The following CDKAL1 variants were observed in gnomAD, a reference collection of about 807,000 sequenced individuals.
CDKAL1 encodes the protein CDKAL1 threonylcarbamoyladenosine tRNA methylthiotransferase, also known as threonylcarbamoyladenosine tRNA methylthiotransferase.
A neutral mutation model predicts 68.2 loss-of-function variants in CDKAL1; 32 were observed. That is an observed-to-expected ratio of 0.47 (90% CI 0.35 to 0.63). CDKAL1 has a LOEUF of 0.63. Ranked by LOEUF, CDKAL1 falls within the 30% of genes least tolerant of loss-of-function variation. The pLI, the probability that CDKAL1 is intolerant of heterozygous loss-of-function variation, is 0.00. For missense variants in CDKAL1, 606 were observed against 696.7 expected (o/e 0.87, Z 1.47); for synonymous variants, 234 against 244.3 (o/e 0.96, Z 0.39).
At chr6:20,639,845 A>AT (rs1438747234) in intron 4 of CDKAL1, among the ~76,000 whole-genome samples, 1 of 151,988 alleles carries the variant, frequency 6.6e-6, no homozygotes, top group Admixed American at 6.6e-5. Flanking sequence ...TAATTTTTGT[A>AT]TTTTTAGTAG....
intron 9 of CDKAL1, among the ~76,000 whole-genome samples, chr6:20,919,750 A>T (rs756151215): frequency 3.9e-5 from 6 of 152,146 alleles, no homozygotes; most frequent in Non-Finnish European, 8.8e-5. Context: ...CCTTTTGAAC[A>T]CCTTACTATA....
intron 9 of CDKAL1, among the ~76,000 whole-genome samples, chr6:20,921,319 C>T (rs897142020): frequency 5.9e-5 from 9 of 152,134 alleles, no homozygotes; most frequent in Non-Finnish European, 7.3e-5. Context: ...GTCCCAGCTA[C>T]TCTGGAGGCT....
intron 9 of CDKAL1, among the ~76,000 whole-genome samples, chr6:20,920,245 G>A (rs2150647099): frequency 6.6e-6 from 1 of 152,354 alleles, no homozygotes; most frequent in Admixed American, 6.5e-5. Flanking sequence ...CAGGGTCTGA[G>A]CTCAAAAGTT....
chr6:21,230,877 G>A lies in CDKAL1; in HGVS notation c.1578G>A (p.Leu526=). 1.2e-6 allele frequency: 2 copies of A among 1,610,398 alleles called. No homozygotes were observed. Among genetic ancestry groups the A allele is most frequent in the African/African-American group, 1.3e-5 (1 of 74,948 alleles). The change falls in exon 16 of 16, where the codon CTG becomes CTA. Residue 526 remains leucine (L), a synonymous_variant. Coordinates refer to ENST00000274695, the MANE Select transcript of CDKAL1 (RefSeq NM_017774.3). ...TCAGAAATGGGCTTGGGAACCAGCT[G>A]AGTTCAGGATCCCACACCTCTGCTG... ...KDFRNGLGNQ[L]SSGSHTSAAS...
chr6:20,940,028 T>C (rs533567900), intron 9 of CDKAL1, among the ~76,000 whole-genome samples: 1 of 152,336 alleles, frequency 6.6e-6, no homozygotes, highest in South Asian at 2.1e-4. Flanking sequence ...CTTTGAAGTA[T>C]AGTTTTAAAT....
At chr6:20,797,147 C>A (rs1451208547) in intron 8 of CDKAL1, among the ~76,000 whole-genome samples, 1 of 152,048 alleles carries the variant, frequency 6.6e-6, no homozygotes, top group Non-Finnish European at 1.5e-5. Flanking sequence ...GACTTGTATC[C>A]AGAATATATA....
At chr6:21,072,462 A>G (rs1278158190) in intron 12 of CDKAL1, among the ~76,000 whole-genome samples, 4 of 148,830 alleles carry the variant, frequency 2.7e-5, no homozygotes. Flanking sequence ...ATTGCATAAA[A>G]TCAGCTTTTA....
intron 9 of CDKAL1, among the ~76,000 whole-genome samples, chr6:20,874,999 A>G (rs1760426570): frequency 6.6e-6 from 1 of 152,110 alleles, no homozygotes. Context: ...AAAGAGTTTC[A>G]GAATAAATAA....
At chr6:21,051,769 A>G (rs1229907650) in intron 11 of CDKAL1, among the ~76,000 whole-genome samples, 2 of 152,250 alleles carry the variant, frequency 1.3e-5, no homozygotes, top group Admixed American at 6.5e-5. Context: ...GCCAATACAT[A>G]TTAAGCACTA....
chr6:21,075,000 C>T (rs745799699), intron 12 of CDKAL1, among the ~76,000 whole-genome samples: 4 of 151,808 alleles, frequency 2.6e-5, no homozygotes, highest in Non-Finnish European at 5.9e-5. Flanking sequence ...TCTCCAAAGC[C>T]TATTTCCTTG....
At chr6:20,717,608 A>G (rs1772158581) in intron 5 of CDKAL1, among the ~76,000 whole-genome samples, 1 of 152,056 alleles carries the variant, frequency 6.6e-6, no homozygotes, top group Non-Finnish European at 1.5e-5. Context: ...CTTAATGGGG[A>G]AGGCCTTATT....
chr6:21,228,621 G>GTCAT (rs1180874808), intron 15 of CDKAL1, among the ~76,000 whole-genome samples: 2 of 152,168 alleles, frequency 1.3e-5, no homozygotes. Context: ...CACTCGATCA[G>GTCAT]TCATTCATTC....
chr6:20,777,036 T>C (rs1775201441), intron 7 of CDKAL1, among the ~76,000 whole-genome samples: 1 of 152,152 alleles, frequency 6.6e-6, no homozygotes, highest in Admixed American at 6.5e-5. Flanking sequence ...ACATGTTTGG[T>C]GCAAGCAATG....
intron 11 of CDKAL1, among the ~76,000 whole-genome samples, chr6:21,022,238 G>C (rs1768706963): frequency 6.6e-6 from 1 of 152,190 alleles, no homozygotes; most frequent in African/African-American, 2.4e-5. Flanking sequence ...TCTTCAGATA[G>C]TGTTAAACCT....
At chr6:20,788,247 A>C (rs925559086) in intron 8 of CDKAL1, among the ~76,000 whole-genome samples, 1 of 152,234 alleles carries the variant, frequency 6.6e-6, no homozygotes, top group Non-Finnish European at 1.5e-5. Flanking sequence ...TAACAGTTGT[A>C]GCTTACATCA....
At chr6:21,088,303 A>C (rs1339894505) in intron 12 of CDKAL1, among the ~76,000 whole-genome samples, 1 of 152,224 alleles carries the variant, frequency 6.6e-6, no homozygotes, top group Non-Finnish European at 1.5e-5. Flanking sequence ...AGTTCAATTA[A>C]CCTGAAACTG....
At chr6:20,663,258 G>T (rs1769372240) in intron 5 of CDKAL1, among the ~76,000 whole-genome samples, 1 of 151,406 alleles carries the variant, frequency 6.6e-6, no homozygotes, top group African/African-American at 2.4e-5. Flanking sequence ...TTTTTATACT[G>T]CACACATTGT....
chr6:20,625,850 G>A (rs557687475), intron 4 of CDKAL1, among the ~76,000 whole-genome samples: 1 of 151,926 alleles, frequency 6.6e-6, no homozygotes, highest in Non-Finnish European at 1.5e-5. Flanking sequence ...ATTGTAATTG[G>A]GAAACTCTGC....
At chr6:20,972,393 G>A (rs377083791) in intron 10 of CDKAL1, among the ~76,000 whole-genome samples, 1 of 152,130 alleles carries the variant, frequency 6.6e-6, no homozygotes, top group African/African-American at 2.4e-5. Context: ...TTAGCCTTTA[G>A]TTAAGTTTCT....
Sources: gnomAD v4.1 joint callset for allele counts (sites outside exome capture counted in the v4.1 genomes callset) on GRCh38, gnomAD v4.1.1 for gene constraint, MANE v1.5 for transcripts, NCBI Gene and HGNC (gene_info 2026-07-23, HGNC 2026-07-21) for gene names.